Variants in CES1 observed in about 807,000 individuals in gnomAD.
CES1 encodes the protein carboxylesterase 1, also known as liver carboxylesterase 1.
CES1 carries 50 observed loss-of-function variants against 53.0 expected under a neutral mutation model. The ratio of observed to expected loss-of-function variants is 0.94; its 90% CI spans 0.75 to 1.19. CES1 has a LOEUF of 1.19. CES1 is among the 50% of genes most tolerant of loss of function. CES1 has a pLI of 0.00. For missense variants in CES1, 534 were observed against 538.0 expected, an observed-to-expected ratio of 0.99 and a Z score of 0.07; for synonymous variants, 202 against 210.1, an observed-to-expected ratio of 0.96 and a Z score of 0.33.
chr16:55,809,029 G>T (rs1422299994), intron 11 of CES1, among the ~76,000 whole-genome samples: 2 of 110,566 alleles, frequency 1.8e-5, no homozygotes, highest in African/African-American at 3.3e-5. Flanking sequence ...ATTCAGAAAT[G>T]TTATTTTATC....
chr16:55,821,795 A>T (rs542114582), intron 4 of CES1, among the ~76,000 whole-genome samples: 2 of 152,328 alleles, frequency 1.3e-5, no homozygotes, highest in East Asian at 3.9e-4. Context: ...ACCTGTGATG[A>T]CACTGAATTC....
At chr16:55,823,784 G>A (rs375512509) in intron 3 of CES1, 101 bp from the exon 4 acceptor site, 3 of 1,601,498 alleles carry the variant, frequency 1.9e-6, no homozygotes, top group Non-Finnish European at 2.6e-6. Context: ...ACAACTGAAG[G>A]AGGATGCTAT....
intron 2 of CES1, 29 bp downstream of exon 2, chr16:55,828,738 C>T (rs2032513758): frequency 1.2e-6 from 2 of 1,613,906 alleles, no homozygotes; most frequent in South Asian, 2.2e-5. Context: ...TTGAGGTAAA[C>T]ATCCCCAAGG....
intron 5 of CES1, 140 bp from the exon 6 acceptor site, chr16:55,820,619 C>T (rs1356900176): frequency 1.4e-6 from 2 of 1,421,136 alleles, no homozygotes; most frequent in Non-Finnish European, 2.0e-6. Context: ...CCTCTGCCCA[C>T]CTCAAGGAGG....
intron 2 of CES1, among the ~76,000 whole-genome samples, chr16:55,826,820 G>A (rs2032436684): frequency 6.6e-6 from 1 of 152,202 alleles, no homozygotes; most frequent in Admixed American, 6.5e-5. Flanking sequence ...GGCAGTTGCT[G>A]TTGTGTTGCC....
intron 3 of CES1, among the ~76,000 whole-genome samples, chr16:55,823,903 C>T (rs1435583082): frequency 4.6e-5 from 7 of 152,238 alleles, no homozygotes; most frequent in African/African-American, 1.7e-4. Flanking sequence ...CTGGCTGTCC[C>T]TTCCTTTCTA....
intron 11 of CES1, among the ~76,000 whole-genome samples, chr16:55,810,129 C>T (rs1472962930): frequency 6.6e-6 from 1 of 152,110 alleles, no homozygotes; most frequent in Admixed American, 6.6e-5. Flanking sequence ...ATACCCGGCT[C>T]CCTTGCCACT....
chr16:55,809,272 T>A (rs2031579452), intron 11 of CES1, among the ~76,000 whole-genome samples: 2 of 152,150 alleles, frequency 1.3e-5, no homozygotes, highest in Admixed American at 1.3e-4. Flanking sequence ...GTGGTCTTGG[T>A]TAAAGGTTTT....
intron 1 of CES1, among the ~76,000 whole-genome samples, chr16:55,831,181 G>C (rs547693138): frequency 6.6e-6 from 1 of 152,270 alleles, no homozygotes; most frequent in Non-Finnish European, 1.5e-5. Context: ...TCAAACACAG[G>C]GACCACTACG....
chr16:55,811,399 C>G (rs1424259451), intron 9 of CES1, among the ~76,000 whole-genome samples: 1 of 152,162 alleles, frequency 6.6e-6, no homozygotes. Flanking sequence ...GTAGACCTCC[C>G]TAGTACCCCC....
chr16:55,830,897 T>G (rs1427693172), intron 1 of CES1, among the ~76,000 whole-genome samples: 2 of 151,670 alleles, frequency 1.3e-5, no homozygotes, highest in Non-Finnish European at 2.9e-5. Flanking sequence ...AAGAAAAGAC[T>G]TGGTCCCTGA....
At chr16:55,809,369 T>G (rs1432161136) in intron 11 of CES1, among the ~76,000 whole-genome samples, 20 of 152,226 alleles carry the variant, frequency 1.3e-4, no homozygotes, top group African/African-American at 4.1e-4. Flanking sequence ...AGTTAAGCGT[T>G]AGCTAGTTTT....
intron 8 of CES1, among the ~76,000 whole-genome samples, chr16:55,815,958 G>T (rs1319798733): frequency 6.6e-6 from 1 of 152,270 alleles, no homozygotes; most frequent in East Asian, 1.9e-4. Flanking sequence ...CCCCACACTC[G>T]GTCCTCTCCA....
At chr16:55,826,454 G>A (rs1396054958) in intron 2 of CES1, among the ~76,000 whole-genome samples, 159 bp from the exon 3 acceptor site, 1 of 152,174 alleles carries the variant, frequency 6.6e-6, no homozygotes, top group African/African-American at 2.4e-5. Context: ...GGGGCTTCAG[G>A]TGGGGGCGCT....
At chr16:55,812,238 T>G (rs1242413871) in intron 9 of CES1, 3 of 153,948 alleles carry the variant, frequency 1.9e-5, no homozygotes, top group African/African-American at 2.4e-5. Context: ...TTCCATTTAT[T>G]TGTTTCCAAC....
intron 6 of CES1, chr16:55,819,930 G>T: frequency 3.5e-6 from 2 of 569,508 alleles, no homozygotes; most frequent in East Asian, 2.9e-5. Context: ...GGTGGAGCTG[G>T]GATAGAGAGC....
chr16:55,814,005 G>A (rs1250310339), intron 8 of CES1, among the ~76,000 whole-genome samples: 1 of 152,186 alleles, frequency 6.6e-6, no homozygotes, highest in Admixed American at 6.5e-5. Context: ...TTGATTTGGG[G>A]GTTATAAGGA....
intron 7 of CES1, among the ~76,000 whole-genome samples, chr16:55,818,247 C>T (rs1230312492): frequency 6.6e-6 from 1 of 152,204 alleles, no homozygotes; most frequent in African/African-American, 2.4e-5. Context: ...CTGGTCTTCC[C>T]TGTGATGAGA....
At chr16:55,810,458 G>C in intron 11 of CES1, 59 bp downstream of exon 11, 2 of 1,605,918 alleles carry the variant, frequency 1.2e-6, no homozygotes, top group South Asian at 2.2e-5. Context: ...GGAGGTAGGT[G>C]GGTCAGATAC....
Sources: gnomAD v4.1 joint callset for allele counts (sites outside exome capture counted in the v4.1 genomes callset) on GRCh38, gnomAD v4.1.1 for gene constraint, MANE v1.5 for transcripts, NCBI Gene and HGNC (gene_info 2026-07-23, HGNC 2026-07-21) for gene names.